Variants in LYPLA1 observed in about 807,000 individuals in gnomAD.
The protein encoded by LYPLA1 is acyl-protein thioesterase 1.
A neutral mutation model predicts 34.0 loss-of-function variants in LYPLA1; 17 were observed. The observed-to-expected ratio is 0.50, with a 90% CI of 0.34 to 0.75. The LOEUF (loss-of-function observed/expected upper bound fraction) is 0.75, where lower values mean the gene tolerates loss of function less well. Ranked by LOEUF, LYPLA1 falls within the 30% of genes least tolerant of loss-of-function variation. The pLI is 0.01. For missense variants in LYPLA1, 203 were observed against 288.8 expected (o/e 0.70, Z 2.15); for synonymous variants, 98 against 100.8 (o/e 0.97, Z 0.17).
chr8:54,045,560 G>C (rs1028240251), downstream of LYPLA1: 3 of 152,194 alleles, frequency 2.0e-5, no homozygotes, highest in Non-Finnish European at 4.4e-5. Flanking sequence ...TTCTTACCAC[G>C]AGAACTATCC....
chr8:54,060,026 T>C (rs1806483709), intron 5 of LYPLA1, among the ~76,000 whole-genome samples: 1 of 152,180 alleles, frequency 6.6e-6, no homozygotes. Flanking sequence ...CCAACCAGAT[T>C]TTCCTGAAGG....
intron 2 of LYPLA1, among the ~76,000 whole-genome samples, chr8:54,084,152 A>ATATATATATATATATG (rs1808530587): frequency 1.4e-5 from 2 of 138,980 alleles, no homozygotes; most frequent in African/African-American, 5.8e-5. Context: ...ATATATATAT[A>ATATATATATATATATG]TATATATATA....
At chr8:54,080,697 C>A (rs1808250224) in intron 2 of LYPLA1, among the ~76,000 whole-genome samples, 1 of 152,196 alleles carries the variant, frequency 6.6e-6, no homozygotes, top group African/African-American at 2.4e-5. Context: ...AAGTGATTCT[C>A]CTGCCTCAGC....
chr8:54,083,849 G>C (rs571698666), intron 2 of LYPLA1, among the ~76,000 whole-genome samples: 1 of 152,144 alleles, frequency 6.6e-6, no homozygotes, highest in South Asian at 2.1e-4. Context: ...TAAAAATAAA[G>C]ATCTCAGGCC....
At chr8:54,096,866 C>A (rs1363508427) in intron 2 of LYPLA1, among the ~76,000 whole-genome samples, 1 of 152,090 alleles carries the variant, frequency 6.6e-6, no homozygotes, top group Non-Finnish European at 1.5e-5. Context: ...CGAGATTGCA[C>A]CACTGCACTC....
chr8:54,074,326 C>T (rs1176010011), intron 2 of LYPLA1, among the ~76,000 whole-genome samples: 1 of 152,144 alleles, frequency 6.6e-6, no homozygotes, highest in South Asian at 2.1e-4. Context: ...AGACTGTGAA[C>T]GGTTTACATT....
chr8:54,086,591 T>C (rs1274140868), intron 2 of LYPLA1, among the ~76,000 whole-genome samples: 3 of 137,990 alleles, frequency 2.2e-5, no homozygotes, highest in Non-Finnish European at 4.5e-5. Flanking sequence ...CAGCCAGGTG[T>C]GATGGCTCAC....
At chr8:54,096,469 T>C (rs1391095551) in intron 2 of LYPLA1, among the ~76,000 whole-genome samples, 1 of 152,142 alleles carries the variant, frequency 6.6e-6, no homozygotes, top group African/African-American at 2.4e-5. Context: ...CTGGACACTA[T>C]GGCTCACGCC....
In LYPLA1 at chr8:54,051,158, A is replaced by T; in HGVS notation, c.493T>A (p.Ser165Thr). The T allele has an allele frequency of 6.2e-7, 1 of 1,613,812 alleles. No individual in the cohort carries two copies. The highest frequency in any genetic ancestry group is 8.5e-7 in the Non-Finnish European group (1 of 1,179,852). ...GPIGGANRDI[S>T]ILQCHGDCDP... ...CAATCCCCGTGGCACTGGAGAATAG[A>T]AATATCTCTATTAGCACCACCGATA... Residue 165 changes from serine (S) to threonine (T), a missense_variant, in exon 8 of 9, where the codon TCT becomes ACT. Physicochemically the swap from Ser to Thr is moderately conservative, Grantham distance 58. This residue lies in a region of LYPLA1 where 123 missense variants were observed against 199.2 expected (regional missense o/e 0.62). Coordinates refer to ENST00000316963, the MANE Select transcript of LYPLA1 (RefSeq NM_006330.4).
Position 54,047,857 on chromosome 8 carries a change from G to T in LYPLA1, c.*208C>A. The T allele has an allele frequency of 7.2e-6, 3 of 416,316 alleles. No individual in the cohort carries two copies. The highest frequency in any genetic ancestry group is 8.5e-6 in the Non-Finnish European group (2 of 235,400). The allele number at this position is 416,316 out of a possible 1,614,324, so 25.8% of individuals were successfully genotyped here. A position where few individuals can be genotyped will look rare whatever the true frequency, so the allele number is the denominator to read the frequency against. ...CATCTATTCTAATATAGTAGATCCT[G>T]GGTCGTCTTATAAGAATACATGTAT... On this transcript the variant is annotated 3_prime_UTR_variant, in exon 9 of 9. Coordinates refer to ENST00000316963, the MANE Select transcript of LYPLA1 (RefSeq NM_006330.4).
At chr8:54,070,885 T>C (rs1322854982) in intron 2 of LYPLA1, among the ~76,000 whole-genome samples, 2 of 151,890 alleles carry the variant, frequency 1.3e-5, no homozygotes, top group Non-Finnish European at 2.9e-5. Context: ...GAGTATAGGG[T>C]TTCTTTTTGA....
Position 54,101,776 on chromosome 8 carries a change from GGCGGGCACGATGGCGGGCA to G in LYPLA1, c.29_47del (p.Leu10ProfsTer9). On this transcript the variant is annotated frameshift_variant, in exon 1 of 9. Transcript: ENST00000316963. LOFTEE classifies it high-confidence loss of function. ...TCACCGCAGCGGTGGCCTTCCGGGC[GGCGGGCACGATGGCGGGCA>G]GCGGGGTTGACATGTTATTGCCGCA... 7.7e-7 allele frequency: 1 copy of G among 1,299,512 alleles called. No individual in the cohort carries two copies. The highest frequency in any genetic ancestry group is 9.8e-7 in the Non-Finnish European group (1 of 1,015,744). 80.5% of individuals were successfully genotyped at this position (1,299,512 alleles called of 1,614,324 possible). A position where few individuals can be genotyped will look rare whatever the true frequency, so the allele number is the denominator to read the frequency against.
chr8:54,099,422 A>G (rs1378313286), intron 2 of LYPLA1, among the ~76,000 whole-genome samples: 14 of 152,206 alleles, frequency 9.2e-5, no homozygotes, highest in Admixed American at 9.2e-4. Flanking sequence ...TCACGCCTGT[A>G]ATCCCAGCAC....
chr8:54,044,550 G>A (rs1307943688), downstream of LYPLA1, among the ~76,000 whole-genome samples: 1 of 152,002 alleles, frequency 6.6e-6, no homozygotes, highest in Non-Finnish European at 1.5e-5. Context: ...ACCAAAACAG[G>A]CAAGTTTCCC....
intron 5 of LYPLA1, among the ~76,000 whole-genome samples, chr8:54,058,166 T>C (rs760152615): frequency 1.3e-5 from 2 of 152,208 alleles, no homozygotes; most frequent in Non-Finnish European, 2.9e-5. Context: ...TGTTTAAAAT[T>C]GTACGTAGTT....
intron 5 of LYPLA1, among the ~76,000 whole-genome samples, chr8:54,056,589 C>T (rs894305389): frequency 1.3e-5 from 2 of 152,072 alleles, no homozygotes; most frequent in Non-Finnish European, 2.9e-5. Context: ...GCTTTAACAA[C>T]TCTATAGGAA....
At chr8:54,048,510 C>T (rs1034512149) in intron 8 of LYPLA1, among the ~76,000 whole-genome samples, 3 of 152,128 alleles carry the variant, frequency 2.0e-5, no homozygotes, top group Non-Finnish European at 2.9e-5. Flanking sequence ...TGCGCTAAAT[C>T]CATAGCATTA....
intron 2 of LYPLA1, among the ~76,000 whole-genome samples, chr8:54,079,181 T>C (rs990197393): frequency 6.6e-6 from 1 of 152,024 alleles, no homozygotes; most frequent in Non-Finnish European, 1.5e-5. Context: ...GGATTCACCA[T>C]GTTGGCGAGG....
intron 3 of LYPLA1, 39 bp from the exon 4 acceptor site, chr8:54,063,414 A>G: frequency 7.6e-7 from 1 of 1,320,324 alleles, no homozygotes. Context: ...CAGAATAACA[A>G]AGCATAAAAA....
Sources: allele counts gnomAD v4.1 joint callset (sites outside exome capture counted in the v4.1 genomes callset), GRCh38; gene constraint gnomAD v4.1.1; regional missense constraint gnomAD v4.1.1; transcripts MANE v1.5; gene names NCBI Gene and HGNC (gene_info 2026-07-23, HGNC 2026-07-21).